Variants in CNTNAP2 observed in about 807,000 individuals in gnomAD.
CNTNAP2 encodes the protein contactin associated protein 2, also known as contactin-associated protein-like 2.
Under a neutral mutation model 155.2 loss-of-function variants are expected in CNTNAP2, and 98 were observed. That is an observed-to-expected ratio of 0.63 (90% CI 0.54 to 0.75). CNTNAP2 has a LOEUF of 0.75. Among genes scored for constraint, CNTNAP2 ranks in the 30% least tolerant of loss-of-function variants. CNTNAP2 has a pLI of 0.00. For missense variants in CNTNAP2, 1,727 were observed against 1,688.1 expected, an observed-to-expected ratio of 1.02 and a Z score of -0.40; for synonymous variants, 651 against 631.2, an observed-to-expected ratio of 1.03 and a Z score of -0.47.
At chr7:147,490,951 G>A (rs565515518) in intron 11 of CNTNAP2, among the ~76,000 whole-genome samples, 45 of 152,014 alleles carry the variant, frequency 3.0e-4, no homozygotes, top group Non-Finnish European at 5.0e-4. Flanking sequence ...GAACTCACCC[G>A]CTGTCATGAG....
At chr7:147,038,627 G>T (rs192864395) in intron 3 of CNTNAP2, among the ~76,000 whole-genome samples, 1 of 152,092 alleles carries the variant, frequency 6.6e-6, no homozygotes, top group Admixed American at 6.5e-5. Flanking sequence ...TTCACTCAGC[G>T]TGCATTGGAG....
At chr7:147,751,931 G>A (rs1205136343) in intron 13 of CNTNAP2, among the ~76,000 whole-genome samples, 2 of 152,134 alleles carry the variant, frequency 1.3e-5, no homozygotes, top group Non-Finnish European at 2.9e-5. Context: ...AGACCAGAGA[G>A]GTTAAGTGCA....
At chr7:147,357,759 C>T (rs1796088654) in intron 9 of CNTNAP2, among the ~76,000 whole-genome samples, 3 of 152,046 alleles carry the variant, frequency 2.0e-5, no homozygotes, top group South Asian at 2.1e-4. Context: ...TTTCCTCCCT[C>T]TAAACTTCAT....
At chr7:146,739,986 A>T (rs1281099801) in intron 1 of CNTNAP2, among the ~76,000 whole-genome samples, 2 of 151,964 alleles carry the variant, frequency 1.3e-5, no homozygotes, top group South Asian at 2.1e-4. Context: ...TTCTACTTGC[A>T]TGGAATATAT....
intron 1 of CNTNAP2, among the ~76,000 whole-genome samples, chr7:146,701,131 C>T (rs184201773): frequency 2.0e-5 from 3 of 152,196 alleles, no homozygotes; most frequent in Non-Finnish European, 2.9e-5. Flanking sequence ...ATAAATAAAA[C>T]CAACTGCTTA....
chr7:147,544,872 T>G (rs905784297), intron 11 of CNTNAP2, among the ~76,000 whole-genome samples: 3 of 152,084 alleles, frequency 2.0e-5, no homozygotes, highest in Admixed American at 1.3e-4. Context: ...ATGTAAGATG[T>G]CTCTTTGCTC....
At chr7:147,542,390 C>T (rs573722100) in intron 11 of CNTNAP2, among the ~76,000 whole-genome samples, 2 of 151,942 alleles carry the variant, frequency 1.3e-5, no homozygotes, top group Non-Finnish European at 2.9e-5. Flanking sequence ...GCAGGCAGAG[C>T]ACCTGTTGAA....
At chr7:146,306,216 A>G (rs1197846665) in intron 1 of CNTNAP2, among the ~76,000 whole-genome samples, 2 of 152,132 alleles carry the variant, frequency 1.3e-5, no homozygotes, top group Non-Finnish European at 2.9e-5. Context: ...GAATCACTGA[A>G]TAGACCAATA....
intron 10 of CNTNAP2, among the ~76,000 whole-genome samples, chr7:147,440,144 T>C (rs947565587): frequency 6.6e-6 from 1 of 152,046 alleles, no homozygotes; most frequent in Non-Finnish European, 1.5e-5. Flanking sequence ...TTCTCTTCCT[T>C]GTTTCCTTCC....
At chr7:147,264,435 TA>T (rs1342136191) in intron 8 of CNTNAP2, among the ~76,000 whole-genome samples, 1 of 151,860 alleles carries the variant, frequency 6.6e-6, no homozygotes, top group East Asian at 2.0e-4. Flanking sequence ...GGTAAGAGTC[TA>T]AGGGGAAGTG....
chr7:147,092,875 G>C (rs1039073478), intron 4 of CNTNAP2, among the ~76,000 whole-genome samples: 5 of 152,126 alleles, frequency 3.3e-5, no homozygotes, highest in African/African-American at 1.2e-4. Flanking sequence ...ATTGGCCTTT[G>C]TATGTTCTAC....
At chr7:147,778,748 T>A (rs535818262) in intron 13 of CNTNAP2, among the ~76,000 whole-genome samples, 49 of 152,310 alleles carry the variant, frequency 3.2e-4, no homozygotes, top group African/African-American at 9.9e-4. Flanking sequence ...CCTGACCTCA[T>A]AATCTGCCTG....
At chr7:147,489,284 C>T (rs1442515422) in intron 11 of CNTNAP2, among the ~76,000 whole-genome samples, 4 of 152,174 alleles carry the variant, frequency 2.6e-5, no homozygotes, top group Non-Finnish European at 4.4e-5. Flanking sequence ...GCCAGGATGT[C>T]TCCCTTTGGG....
chr7:147,942,037 C>T (rs1051131795), intron 14 of CNTNAP2, among the ~76,000 whole-genome samples: 1 of 152,146 alleles, frequency 6.6e-6, no homozygotes, highest in Non-Finnish European at 1.5e-5. Flanking sequence ...TTTTAAGACA[C>T]GTTTATTTTA....
chr7:147,974,964 C>CA (rs1801400758), intron 14 of CNTNAP2, among the ~76,000 whole-genome samples: 1 of 150,824 alleles, frequency 6.6e-6, no homozygotes, highest in Non-Finnish European at 1.5e-5. Context: ...TTATATAATA[C>CA]AATCTTTTGT....
chr7:147,004,222 A>G (rs1377539437), intron 3 of CNTNAP2, among the ~76,000 whole-genome samples: 4 of 150,752 alleles, frequency 2.7e-5, no homozygotes, highest in South Asian at 2.1e-4. Context: ...CAAAAAAAAA[A>G]AAAAAGAAAA....
intron 1 of CNTNAP2, among the ~76,000 whole-genome samples, chr7:146,712,070 A>G (rs1342280413): frequency 8.7e-6 from 1 of 115,288 alleles, no homozygotes; most frequent in Non-Finnish European, 1.8e-5. Context: ...ACTATATAGT[A>G]TACACATCTT....
intron 15 of CNTNAP2, among the ~76,000 whole-genome samples, chr7:148,069,606 C>CAAAAA (rs1803341195): frequency 3.3e-5 from 5 of 151,776 alleles, no homozygotes; most frequent in Non-Finnish European, 7.4e-5. Flanking sequence ...ACTAAAAACA[C>CAAAAA]AAAATTAGCC....
At chr7:147,073,840 G>A (rs775684591) in intron 4 of CNTNAP2, among the ~76,000 whole-genome samples, 20 of 152,070 alleles carry the variant, frequency 1.3e-4, no homozygotes, top group Non-Finnish European at 2.4e-4. Context: ...TGGAAGGGAC[G>A]GAAATTTAAA....
Sources: allele counts gnomAD v4.1 joint callset (sites outside exome capture counted in the v4.1 genomes callset), GRCh38; gene constraint gnomAD v4.1.1; transcripts MANE v1.5; gene names NCBI Gene and HGNC (gene_info 2026-07-23, HGNC 2026-07-21).